The following PLD1 variants were observed in gnomAD, a reference collection of about 807,000 sequenced individuals.
PLD1 encodes choline phosphatase 1.
A neutral mutation model predicts 137.1 loss-of-function variants in PLD1; 112 were observed. That is an observed-to-expected ratio of 0.82 (90% CI 0.70 to 0.96). The LOEUF is 0.96. Among genes scored for constraint, PLD1 ranks in the 40% least tolerant of loss-of-function variants. The pLI, the probability that PLD1 is intolerant of heterozygous loss-of-function variation, is 0.00. For missense variants in PLD1, 1,321 were observed against 1,342.0 expected, an observed-to-expected ratio of 0.98 and a Z score of 0.24; for synonymous variants, 431 against 454.7, an observed-to-expected ratio of 0.95 and a Z score of 0.66.
At chr3:171,734,085 C>T (rs940633399) in intron 5 of PLD1, among the ~76,000 whole-genome samples, 3 of 152,138 alleles carry the variant, frequency 2.0e-5, no homozygotes, top group Non-Finnish European at 4.4e-5. Context: ...CATGCTTTTG[C>T]TGAATCACTA....
At chr3:171,604,589 G>T (rs1280006024) in intron 26 of PLD1, among the ~76,000 whole-genome samples, 1 of 152,048 alleles carries the variant, frequency 6.6e-6, no homozygotes, top group Admixed American at 6.6e-5. Flanking sequence ...GCTACTTTTC[G>T]AAGTAAGCTG....
At position 171,790,638 on chromosome 3, in the gene PLD1, G is replaced by A. The variant is rs572697852; in HGVS notation, c.-32+19761C>T. Among the ~76,000 whole-genome samples, 143 of 152,312 alleles carry A rather than the reference G, an allele frequency of 9.4e-4. No homozygotes were observed. The Middle Eastern group carries it at 0.014, about 14-fold the overall frequency. The stretch of plus-strand genomic sequence containing the variant: ...GTAATTGGGAGTACTGGAATTATGA[G>A]ACAGGGCCTGCAAAGGAAGCTGGCA... On this transcript the variant is annotated intron_variant, in intron 1 of 26. Transcript: ENST00000351298.
chr3:171,721,507 C>G (rs976407405), intron 8 of PLD1: 8 of 152,216 alleles, frequency 5.3e-5, no homozygotes, highest in African/African-American at 1.9e-4. Flanking sequence ...TTGACACTTC[C>G]CAGACTGCTG....
Position 171,737,676 on chromosome 3 carries a change from A to G in PLD1, c.161-17T>C. 1.3e-6 allele frequency: 2 copies of G among 1,484,670 alleles called. No individual in the cohort carries two copies. The highest frequency in any genetic ancestry group is 1.8e-6 in the Non-Finnish European group (2 of 1,081,618). 92.0% of individuals were successfully genotyped at this position (1,484,670 alleles called of 1,614,324 possible). A position where few individuals can be genotyped will look rare whatever the true frequency, so the allele number is the denominator to read the frequency against. On this transcript the variant is annotated splice_polypyrimidine_tract_variant and intron_variant, in intron 2 of 26. Transcript: ENST00000351298. The stretch of plus-strand genomic sequence containing the variant: ...GGATATACACTAAAAAAAAAAGTAA[A>G]TAAAGTTAATGCAATATATGATTAG...
intron 1 of PLD1, among the ~76,000 whole-genome samples, chr3:171,785,170 A>G (rs1242489650): frequency 6.6e-6 from 1 of 152,190 alleles, no homozygotes; most frequent in Non-Finnish European, 1.5e-5. Context: ...GTTGGAAGAG[A>G]GCCTAGATCT....
intron 11 of PLD1, among the ~76,000 whole-genome samples, chr3:171,704,793 G>A (rs779660211): frequency 2.0e-5 from 3 of 152,118 alleles, no homozygotes; most frequent in Non-Finnish European, 4.4e-5. Context: ...AACCTTTTTG[G>A]CACCAGAAAC....
intron 1 of PLD1, chr3:171,792,505 G>A (rs182759258): frequency 3.6e-5 from 16 of 446,448 alleles, no homozygotes; most frequent in Admixed American, 3.1e-4. Context: ...GTGAGAAGGG[G>A]GCCCTCAGAC....
chr3:171,672,960 T>C (rs933048994), intron 19 of PLD1, among the ~76,000 whole-genome samples: 5 of 152,240 alleles, frequency 3.3e-5, no homozygotes, highest in African/African-American at 1.2e-4. Context: ...ACTTCCTTCA[T>C]TGATTACAAA....
At chr3:171,752,221 T>G (rs1256083010) in intron 1 of PLD1, among the ~76,000 whole-genome samples, 1 of 152,190 alleles carries the variant, frequency 6.6e-6, no homozygotes, top group Non-Finnish European at 1.5e-5. Flanking sequence ...AACAATCCTG[T>G]TAGGTTGTCT....
chr3:171,707,672 A>G (rs1331844080), intron 11 of PLD1, among the ~76,000 whole-genome samples: 1 of 152,112 alleles, frequency 6.6e-6, no homozygotes, highest in Admixed American at 6.5e-5. Flanking sequence ...CCCAACCCCA[A>G]CCAGGGAACA....
rs57922951 is a variant in PLD1, at chr3:171,612,186, T to C, written c.2882+93A>G. ...ACACTGTTTTAGATGAAGAAGAACC[T>C]AGGATGACCCATGTGCTCAGGGCTA... On this transcript the variant is annotated intron_variant, in intron 25 of 26. Transcript: ENST00000351298. The surrounding 1 kb of genome is among the most constrained non-coding windows in gnomAD (Gnocchi z 4.1). 7.9e-3 allele frequency: 8,853 copies of C among 1,119,442 alleles called. 540 individuals carry two copies. In the African/African-American group the frequency reaches 0.12, roughly 15 times the overall value. The allele number at this position is 1,119,442 out of a possible 1,614,324, so 69.3% of individuals were successfully genotyped here. A position where few individuals can be genotyped will look rare whatever the true frequency, so the allele number is the denominator to read the frequency against.
intron 15 of PLD1, 94 bp from the exon 16 acceptor site, chr3:171,686,892 C>A (rs183324488): frequency 2.2e-5 from 14 of 629,462 alleles, no homozygotes. Context: ...CCAGGCAGGG[C>A]TATAACATCA....
chr3:171,787,599 T>C lies in PLD1; in HGVS notation c.-32+22800A>G, dbSNP rs1578472318. On this transcript the variant is annotated intron_variant, in intron 1 of 26. Coordinates refer to ENST00000351298, the MANE Select transcript of PLD1 (RefSeq NM_002662.5). The stretch of plus-strand genomic sequence containing the variant: ...TTGCATATTTTATAACTCATTTGAA[T>C]GTCATCATACCCAGAAAATAAAATT... 2.0e-5 allele frequency among the ~76,000 whole-genome samples: 3 copies of C among 152,320 alleles called. No homozygotes were observed. The East Asian group carries it at 5.8e-4, about 29-fold the overall frequency.
At chr3:171,670,396 T>C (rs758320761) in intron 19 of PLD1, among the ~76,000 whole-genome samples, 54 of 152,022 alleles carry the variant, frequency 3.6e-4, no homozygotes, top group Non-Finnish European at 5.4e-4. Flanking sequence ...TGAGAACAGG[T>C]CTAGAAAAGG....
At chr3:171,611,069 C>T (rs936932493) in intron 25 of PLD1, among the ~76,000 whole-genome samples, 1 of 152,202 alleles carries the variant, frequency 6.6e-6, no homozygotes, top group Non-Finnish European at 1.5e-5. Context: ...GACCATTTAA[C>T]ACAAAGAAAA....
At chr3:171,785,764 C>G (rs1722990294) in intron 1 of PLD1, among the ~76,000 whole-genome samples, 1 of 152,178 alleles carries the variant, frequency 6.6e-6, no homozygotes, top group South Asian at 2.1e-4. Flanking sequence ...ACTTAGAGCA[C>G]ATTTCAACTT....
chr3:171,692,158 A>G (rs1306052992), intron 13 of PLD1, among the ~76,000 whole-genome samples, 174 bp downstream of exon 13: 1 of 152,196 alleles, frequency 6.6e-6, no homozygotes, highest in Admixed American at 6.5e-5. Flanking sequence ...ACCCCCATCA[A>G]TGTAGGGAAG....
At chr3:171,799,195 C>T (rs540580535) in intron 1 of PLD1, among the ~76,000 whole-genome samples, 2 of 151,662 alleles carry the variant, frequency 1.3e-5, no homozygotes, top group Non-Finnish European at 2.9e-5. Context: ...AAAAATTAGC[C>T]GGGGGTGGTG....
chr3:171,603,726 G>C (rs1731992352), intron 26 of PLD1, among the ~76,000 whole-genome samples: 1 of 152,058 alleles, frequency 6.6e-6, no homozygotes. Flanking sequence ...TACTTTGCTG[G>C]TTGAAAATGA....
Sources: allele counts gnomAD v4.1 joint callset (sites outside exome capture counted in the v4.1 genomes callset), GRCh38; gene constraint gnomAD v4.1.1; non-coding constraint Gnocchi (gnomAD v3.1); transcripts MANE v1.5; gene names NCBI Gene and HGNC (gene_info 2026-07-23, HGNC 2026-07-21).